Variants in GRIN2B observed in about 807,000 individuals in gnomAD.
GRIN2B encodes glutamate ionotropic receptor NMDA type subunit 2B.
GRIN2B carries 5 observed loss-of-function variants against 114.5 expected under a neutral mutation model. The ratio of observed to expected loss-of-function variants is 0.04; its 90% CI spans 0.02 to 0.09. GRIN2B has a LOEUF of 0.09. Among genes scored for constraint, GRIN2B ranks in the 10% least tolerant of loss-of-function variants. The probability of loss-of-function intolerance (pLI) is 1.00; values close to 1 mark genes in which losing one functional copy is unlikely to be tolerated. For missense variants in GRIN2B, 1,108 were observed against 1,943.5 expected, an observed-to-expected ratio of 0.57 and a Z score of 8.08; for synonymous variants, 787 against 745.1, an observed-to-expected ratio of 1.06 and a Z score of -0.92.
chr12:13,836,868 T>C (rs947233105), intron 3 of GRIN2B, among the ~76,000 whole-genome samples: 1 of 152,158 alleles, frequency 6.6e-6, no homozygotes, highest in Non-Finnish European at 1.5e-5. Flanking sequence ...GTGGTGTGTG[T>C]CATAGGTGTC....
chr12:13,943,964 G>C (rs1591634557), intron 2 of GRIN2B, among the ~76,000 whole-genome samples: 3 of 152,158 alleles, frequency 2.0e-5, no homozygotes, highest in Non-Finnish European at 4.4e-5. Flanking sequence ...GCACATAGTA[G>C]ACGCTCAATA....
At chr12:13,665,086 C>T (rs1367751460) in intron 5 of GRIN2B, among the ~76,000 whole-genome samples, 6 of 151,876 alleles carry the variant, frequency 4.0e-5, no homozygotes, top group Admixed American at 3.3e-4. Flanking sequence ...CATGTTCTTT[C>T]CTCACAGTTT....
At chr12:13,895,670 T>C (rs1866340653) in intron 2 of GRIN2B, among the ~76,000 whole-genome samples, 1 of 152,228 alleles carries the variant, frequency 6.6e-6, no homozygotes, top group Non-Finnish European at 1.5e-5. Flanking sequence ...TTGTACAACA[T>C]TAGGCTAGCT....
intron 2 of GRIN2B, among the ~76,000 whole-genome samples, chr12:13,914,284 T>C (rs1323245657): frequency 6.6e-6 from 1 of 152,092 alleles, no homozygotes; most frequent in Non-Finnish European, 1.5e-5. Context: ...AAGCATCAGG[T>C]TCCAGCTTGC....
intron 4 of GRIN2B, among the ~76,000 whole-genome samples, chr12:13,698,977 C>T (rs1399720863): frequency 6.6e-6 from 1 of 152,140 alleles, no homozygotes; most frequent in South Asian, 2.1e-4. Flanking sequence ...GCCACCGCAC[C>T]CGGCCAAATC....
At chr12:13,675,250 C>T (rs1950061898) in intron 5 of GRIN2B, among the ~76,000 whole-genome samples, 1 of 152,098 alleles carries the variant, frequency 6.6e-6, no homozygotes, top group African/African-American at 2.4e-5. Context: ...CTGGTGCCCA[C>T]AGAAATTAAT....
intron 3 of GRIN2B, among the ~76,000 whole-genome samples, chr12:13,780,092 C>T (rs1347166797): frequency 6.6e-6 from 1 of 152,116 alleles, no homozygotes; most frequent in Non-Finnish European, 1.5e-5. Context: ...TCAGCCACTG[C>T]TTTTTCTCAG....
intron 4 of GRIN2B, among the ~76,000 whole-genome samples, chr12:13,701,225 G>A (rs540337460): frequency 1.4e-4 from 22 of 152,130 alleles, no homozygotes; most frequent in Non-Finnish European, 2.4e-4. Context: ...TGAGGATTAT[G>A]AGGATTATGG....
intron 2 of GRIN2B, among the ~76,000 whole-genome samples, chr12:13,927,966 CAAA>C (rs57736516): frequency 8.0e-5 from 3 of 37,614 alleles, no homozygotes; most frequent in African/African-American, 2.8e-4. Context: ...GACCCTGTCT[CAAA>C]AAAAAAAAAA....
intron 3 of GRIN2B, among the ~76,000 whole-genome samples, chr12:13,833,379 C>T (rs538882482): frequency 6.6e-5 from 10 of 152,300 alleles, no homozygotes; most frequent in African/African-American, 2.4e-4. Flanking sequence ...GCCTCGGAAC[C>T]TTCTTCCCCT....
intron 3 of GRIN2B, among the ~76,000 whole-genome samples, chr12:13,802,256 G>A (rs1864529338): frequency 6.6e-6 from 1 of 152,026 alleles, no homozygotes; most frequent in South Asian, 2.1e-4. Context: ...AAGTATATTT[G>A]AAAAGTTCAA....
intron 3 of GRIN2B, among the ~76,000 whole-genome samples, chr12:13,818,918 C>T (rs1304435676): frequency 6.6e-6 from 1 of 152,198 alleles, no homozygotes. Flanking sequence ...TAACACTCTA[C>T]AGCCACATAA....
intron 3 of GRIN2B, among the ~76,000 whole-genome samples, chr12:13,805,815 G>C (rs1198094976): frequency 6.6e-6 from 1 of 152,142 alleles, no homozygotes; most frequent in East Asian, 1.9e-4. Flanking sequence ...TCACCATCTT[G>C]TACAGTAAAT....
intron 2 of GRIN2B, among the ~76,000 whole-genome samples, chr12:13,922,301 G>A (rs1009926050): frequency 6.6e-6 from 1 of 152,154 alleles, no homozygotes; most frequent in Non-Finnish European, 1.5e-5. Flanking sequence ...ATAGCAGGGT[G>A]CCCTGGGTGT....
intron 3 of GRIN2B, among the ~76,000 whole-genome samples, chr12:13,791,741 C>T (rs1410456280): frequency 1.3e-5 from 2 of 152,068 alleles, no homozygotes; most frequent in African/African-American, 4.8e-5. Context: ...GTGATACATT[C>T]ATATAATGAA....
At chr12:13,570,318 AAAT>A in intron 11 of GRIN2B, among the ~76,000 whole-genome samples, 1 of 152,362 alleles carries the variant, frequency 6.6e-6, no homozygotes, top group African/African-American at 2.4e-5. Context: ...GGATCAATAA[AAAT>A]AATAACAGAA....
At chr12:13,580,063 G>C (rs1201786948) in intron 10 of GRIN2B, among the ~76,000 whole-genome samples, 1 of 152,202 alleles carries the variant, frequency 6.6e-6, no homozygotes, top group East Asian at 1.9e-4. Flanking sequence ...CACCAGGAGA[G>C]GAGCAGATTC....
chr12:13,694,656 CATATATATATATATATATATATAT>C lies in GRIN2B; in HGVS notation c.1011-18821_1011-18798del, dbSNP rs67570541. ...CCCAGTCTATTGTGCAAGAAAATGT[CATATATATATATATATATATATAT>C]ATATATATATATATATATATATAAA... On this transcript the variant is annotated intron_variant, in intron 4 of 13. Transcript: ENST00000609686. Among the ~76,000 whole-genome samples, 94 of 71,340 alleles carry C rather than the reference CATATATATATATATATATATATAT, an allele frequency of 1.3e-3. 2 individuals carry two copies. The highest frequency in any genetic ancestry group is 5.5e-3 in the South Asian group (14 of 2,544). The allele number at this position is 71,340 out of a possible 152,430, so 46.8% of individuals were successfully genotyped here.
chr12:13,557,322 C>T lies in GRIN2B; in HGVS notation c.*5461G>A, dbSNP rs1282045097. 6.6e-6 allele frequency: 1 copy of T among 152,128 alleles called. No homozygotes were observed. Among genetic ancestry groups the T allele is most frequent in the Non-Finnish European group, 1.5e-5 (1 of 68,040 alleles). The allele number at this position is 152,128 out of a possible 1,614,324, so 9.4% of individuals were successfully genotyped here. A position where few individuals can be genotyped will look rare whatever the true frequency, so the allele number is the denominator to read the frequency against. On this transcript the variant is annotated 3_prime_UTR_variant, in exon 14 of 14. Transcript: ENST00000609686. ...CAATTGCCCCCCAGGTTAAGTAGCACCTGAGGTCATAAGTGGCTCTTTTAC... is the reference window on the plus strand; with the variant it reads ...CAATTGCCCCCCAGGTTAAGTAGCATCTGAGGTCATAAGTGGCTCTTTTAC...
Sources: gnomAD v4.1 joint callset for allele counts (sites outside exome capture counted in the v4.1 genomes callset) on GRCh38, gnomAD v4.1.1 for gene constraint, MANE v1.5 for transcripts, NCBI Gene and HGNC (gene_info 2026-07-23, HGNC 2026-07-21) for gene names.